Variants in CACNA2D4 observed in about 807,000 individuals in gnomAD.
The protein encoded by CACNA2D4 is voltage-dependent calcium channel subunit alpha-2/delta-4.
A neutral mutation model predicts 163.8 loss-of-function variants in CACNA2D4; 157 were observed. The observed-to-expected ratio is 0.96, with a 90% confidence interval of 0.84 to 1.09. CACNA2D4 has a LOEUF of 1.09. Among genes scored for constraint, CACNA2D4 ranks in the 50% least tolerant of loss-of-function variants. The pLI, the probability that CACNA2D4 is intolerant of heterozygous loss-of-function variation, is 0.00. For synonymous variants in CACNA2D4, 598 were observed against 586.9 expected, an observed-to-expected ratio of 1.02 and a Z score of -0.27; for missense variants, 1,410 against 1,479.9, an observed-to-expected ratio of 0.95 and a Z score of 0.78.
Position 1,820,548 on chromosome 12 carries a change from T to C in CACNA2D4, c.2552-8825A>G. ...CCTCGCCCCTTTCTTCCCTCTCTCCTCTCTCTCTCTCCCTCCATCCCTCTC... is the reference window on the plus strand; with the variant it reads ...CCTCGCCCCTTTCTTCCCTCTCTCCCCTCTCTCTCTCCCTCCATCCCTCTC... On this transcript the variant is annotated intron_variant, in intron 26 of 37. Coordinates refer to ENST00000382722, the MANE Select transcript of CACNA2D4 (RefSeq NM_172364.5). The surrounding 1 kb of genome is among the most constrained non-coding windows in gnomAD (Gnocchi z 6.0). 1 of 151,462 alleles carries C rather than the reference T, an allele frequency of 6.6e-6. No individual in the cohort carries two copies. The allele number at this position is 151,462 out of a possible 1,614,324, so 9.4% of individuals were successfully genotyped here.
rs1863251511 is a variant in CACNA2D4, at chr12:1,799,884, G to A, written c.2974+116C>T. ...CCACGCAGGGTGAGATGTGAACAAC[G>A]ATGCTTCAGGGTCACCTATCCCCAC... On this transcript the variant is annotated intron_variant, in intron 33 of 37. Transcript: ENST00000382722. This position sits in a 1 kb window ranked among gnomAD's most constrained non-coding sequence, Gnocchi z 4.7. 2.4e-5 allele frequency: 31 copies of A among 1,295,258 alleles called. No homozygotes were observed. The highest frequency in any genetic ancestry group is 3.3e-5 in the Non-Finnish European group (30 of 921,690). 80.2% of individuals were successfully genotyped at this position (1,295,258 alleles called of 1,614,324 possible).
Position 1,875,086 on chromosome 12 carries a change from C to T in CACNA2D4, c.1806+165G>A, listed in dbSNP as rs1488400710. ...ATTTTTATAGTTGTTAAAAGAATTGCTCATTTTAGGCATTGCTTGTGGCTT... is the reference window on the plus strand; with the variant it reads ...ATTTTTATAGTTGTTAAAAGAATTGTTCATTTTAGGCATTGCTTGTGGCTT... On this transcript the variant is annotated intron_variant, in intron 17 of 37. Coordinates refer to ENST00000382722, the MANE Select transcript of CACNA2D4 (RefSeq NM_172364.5). This position sits in a 1 kb window ranked among gnomAD's most constrained non-coding sequence, Gnocchi z 4.0. Among the ~76,000 whole-genome samples the T allele has an allele frequency of 1.3e-5, 2 of 152,196 alleles. No individual in the cohort carries two copies. The highest frequency in any genetic ancestry group is 1.5e-5 in the Non-Finnish European group (1 of 68,038).
chr12:1,888,391 C>A (rs1866201679), intron 6 of CACNA2D4, among the ~76,000 whole-genome samples: 1 of 152,144 alleles, frequency 6.6e-6, no homozygotes, highest in Non-Finnish European at 1.5e-5. Context: ...GCAGCATGGC[C>A]TCACAAGCAA....
chr12:1,881,554 A>C (rs1224690102), intron 13 of CACNA2D4, among the ~76,000 whole-genome samples: 1 of 152,252 alleles, frequency 6.6e-6, no homozygotes, highest in Non-Finnish European at 1.5e-5. Context: ...GGCTACTGGC[A>C]GGCAGATGAA....
intron 6 of CACNA2D4, among the ~76,000 whole-genome samples, chr12:1,904,762 T>G (rs2887632): frequency 6.6e-6 from 1 of 151,730 alleles, no homozygotes; most frequent in Non-Finnish European, 1.5e-5. Flanking sequence ...TAAAAGGAAA[T>G]GAGAAAGAAA....
chr12:1,807,971 G>T (rs961315663), intron 29 of CACNA2D4, among the ~76,000 whole-genome samples: 1 of 152,184 alleles, frequency 6.6e-6, no homozygotes, highest in Non-Finnish European at 1.5e-5. Flanking sequence ...GAAAATGGGG[G>T]TGAATGAGTT....
chr12:1,893,529 T>C (rs1212518890), intron 6 of CACNA2D4, among the ~76,000 whole-genome samples: 2 of 151,860 alleles, frequency 1.3e-5, no homozygotes, highest in Non-Finnish European at 2.9e-5. Context: ...AAAAAATATA[T>C]AATAATAATA....
chr12:1,909,698 C>A (rs974612621), intron 4 of CACNA2D4, among the ~76,000 whole-genome samples: 1 of 152,202 alleles, frequency 6.6e-6, no homozygotes, highest in African/African-American at 2.4e-5. Context: ...TGCTTTATAC[C>A]GGAGTTATTT....
At chr12:1,877,421 T>C (rs1006125083) in intron 16 of CACNA2D4, among the ~76,000 whole-genome samples, 2 of 152,234 alleles carry the variant, frequency 1.3e-5, no homozygotes, top group African/African-American at 4.8e-5. Flanking sequence ...AGAGCCTGAT[T>C]TGGAAGACAG....
chr12:1,793,597 T>A lies in CACNA2D4; in HGVS notation c.*58A>T, dbSNP rs1863033523. On this transcript the variant is annotated 3_prime_UTR_variant, in exon 38 of 38. Transcript: ENST00000382722. ...AGCTGCATCCCATGTCAGTGCTGAC[T>A]TTTTGGGATGGCTCTGGAAGGATCA... The A allele has an allele frequency of 2.7e-6, 4 of 1,499,420 alleles. No homozygotes were observed. The highest frequency in any genetic ancestry group is 3.7e-6 in the Non-Finnish European group (4 of 1,076,086). 92.9% of individuals were successfully genotyped at this position (1,499,420 alleles called of 1,614,324 possible). A position where few individuals can be genotyped will look rare whatever the true frequency, so the allele number is the denominator to read the frequency against.
At chr12:1,797,776 GGGAAA>G in intron 34 of CACNA2D4, 1 of 572,656 alleles carries the variant, frequency 1.7e-6, no homozygotes, top group Non-Finnish European at 3.1e-6. Flanking sequence ...CCTCGGTGGA[GGGAAA>G]GCGCTTCCTC....
Position 1,820,256 on chromosome 12 carries a change from A to C in CACNA2D4, c.2552-8533T>G, listed in dbSNP as rs1366334234. 1 of 150,580 alleles carries C rather than the reference A, an allele frequency of 6.6e-6. No individual in the cohort carries two copies. Among genetic ancestry groups the C allele is most frequent in the Non-Finnish European group, 1.5e-5 (1 of 68,050 alleles). The allele number at this position is 150,580 out of a possible 1,614,324, so 9.3% of individuals were successfully genotyped here. On this transcript the variant is annotated intron_variant, in intron 26 of 37. Transcript: ENST00000382722. The surrounding 1 kb of genome is among the most constrained non-coding windows in gnomAD (Gnocchi z 6.0). ...GAAGACAGGTGCAGCCGGGGGGGTGAGGGAGAGCCTGGAGGCGCAGGATGG... is the reference window on the plus strand; with the variant it reads ...GAAGACAGGTGCAGCCGGGGGGGTGCGGGAGAGCCTGGAGGCGCAGGATGG...
Position 1,875,255 on chromosome 12 carries a change from T to A in CACNA2D4, c.1802A>T (p.Glu601Val). 6.2e-7 allele frequency: 1 copy of A among 1,611,924 alleles called. No individual in the cohort carries two copies. Among genetic ancestry groups the A allele is most frequent in the Non-Finnish European group, 8.5e-7 (1 of 1,178,094 alleles). The change falls in exon 17 of 38, where the codon GAA (glutamate) becomes GTA (valine). Residue 601 changes from glutamate (E) to valine (V), a missense_variant. Transcript: ENST00000382722. This position sits in a 1 kb window ranked among gnomAD's most constrained non-coding sequence, Gnocchi z 4.0. ...LSEVEWEDQA[E>V]SLRTAMINRE... ...CCCCCTATTTTCCCCACTCACAGAT[T>A]CAGCCTGGTCTTCCCACTCCACTTC...
chr12:1,850,285 G>A (rs1420033648), intron 23 of CACNA2D4, among the ~76,000 whole-genome samples: 1 of 152,186 alleles, frequency 6.6e-6, no homozygotes, highest in Admixed American at 6.5e-5. Context: ...AGTCCAATCT[G>A]GGCATAGTTG....
At chr12:1,873,440 C>G (rs114193578) in intron 18 of CACNA2D4, among the ~76,000 whole-genome samples, 1,986 of 152,282 alleles carry the variant, frequency 0.013, 39 homozygotes, top group African/African-American at 0.046. Flanking sequence ...AGCATAAAAG[C>G]AGCACGAGAT....
rs551176686 is a variant in CACNA2D4 at position 1,791,975 on chromosome 12, T to C, written c.*1680A>G. 1 of 152,366 alleles carries C rather than the reference T, an allele frequency of 6.6e-6. No homozygotes were observed. Among genetic ancestry groups the C allele is most frequent in the East Asian group, 1.9e-4 (1 of 5,190 alleles). The allele number at this position is 152,366 out of a possible 1,614,324, so 9.4% of individuals were successfully genotyped here. A position where few individuals can be genotyped will look rare whatever the true frequency, so the allele number is the denominator to read the frequency against. On this transcript the variant is annotated 3_prime_UTR_variant, in exon 38 of 38. Coordinates refer to ENST00000382722, the MANE Select transcript of CACNA2D4 (RefSeq NM_172364.5). ...GGTAATGTAATGATCGCAGTTAGCA[T>C]GTATTTATTTAGCGTTTAGTATATG...
intron 18 of CACNA2D4, 94 bp from the exon 19 acceptor site, chr12:1,860,300 C>G (rs1268746505): frequency 1.2e-6 from 1 of 868,316 alleles, no homozygotes; most frequent in Non-Finnish European, 1.9e-6. Context: ...TTCATCGTCA[C>G]TGTACAGTCC....
At position 1,907,969 on chromosome 12, in the gene CACNA2D4, G is replaced by T. The variant is rs957209600; in HGVS notation, c.555C>A (p.Ala185=). ...GAGCATTGGACTCCAGGAGGAACTC[G>T]GCGCCCAGCTCCACGAAGTTGCCCT... ...DEKGNFVELG[A]EFLLESNAHF... Residue 185 remains alanine, a synonymous_variant, in exon 5 of 38, where the codon GCC becomes GCA. Coordinates refer to ENST00000382722, the MANE Select transcript of CACNA2D4 (RefSeq NM_172364.5). 1 of 1,614,042 alleles carries T rather than the reference G, an allele frequency of 6.2e-7. No individual in the cohort carries two copies. Among genetic ancestry groups the T allele is most frequent in the Non-Finnish European group, 8.5e-7 (1 of 1,179,878 alleles).
intron 19 of CACNA2D4, among the ~76,000 whole-genome samples, chr12:1,858,924 C>A (rs16928848): frequency 6.6e-6 from 1 of 152,040 alleles, no homozygotes. Context: ...TCAAGGGACA[C>A]CCTGAAACTC....
Sources: gnomAD v4.1 joint callset for allele counts (sites outside exome capture counted in the v4.1 genomes callset) on GRCh38, gnomAD v4.1.1 for gene constraint, Gnocchi (gnomAD v3.1) non-coding constraint, MANE v1.5 for transcripts, NCBI Gene and HGNC (gene_info 2026-07-23, HGNC 2026-07-21) for gene names.